Variants in GALNTL6 observed in about 807,000 individuals in gnomAD.
The protein encoded by GALNTL6 is polypeptide N-acetylgalactosaminyltransferase-like 6.
A neutral mutation model predicts 73.7 loss-of-function variants in GALNTL6; 46 were observed. That is an observed-to-expected ratio of 0.62 (90% CI 0.49 to 0.80). The LOEUF is 0.80. GALNTL6 is among the 30% of genes least tolerant of loss of function. GALNTL6 has a pLI of 0.00. For missense variants in GALNTL6, 604 were observed against 755.0 expected, an observed-to-expected ratio of 0.80 and a Z score of 2.34; for synonymous variants, 259 against 263.7, an observed-to-expected ratio of 0.98 and a Z score of 0.17.
chr4:172,049,374 T>C (rs916992201), intron 2 of GALNTL6, among the ~76,000 whole-genome samples: 13 of 152,314 alleles, frequency 8.5e-5, no homozygotes, highest in African/African-American at 2.9e-4. Flanking sequence ...CCATTTCTTA[T>C]CTTTATTAAA....
intron 2 of GALNTL6, among the ~76,000 whole-genome samples, chr4:172,072,873 T>A (rs1204747032): frequency 6.6e-6 from 1 of 152,182 alleles, no homozygotes; most frequent in Non-Finnish European, 1.5e-5. Flanking sequence ...GCATAGAAGA[T>A]TTCATTTTCT....
chr4:171,897,882 G>T (rs879927055), intron 2 of GALNTL6, among the ~76,000 whole-genome samples: 1 of 149,228 alleles, frequency 6.7e-6, no homozygotes, highest in South Asian at 2.2e-4. Flanking sequence ...AGCCGAGATC[G>T]TGCCACTGCA....
chr4:173,031,625 A>T (rs1229031696), intron 12 of GALNTL6, among the ~76,000 whole-genome samples: 1 of 152,272 alleles, frequency 6.6e-6, no homozygotes, highest in East Asian at 1.9e-4. Flanking sequence ...TAGGGAAAAA[A>T]AAAAGAGAGA....
chr4:172,697,507 T>C (rs891095188), intron 5 of GALNTL6, among the ~76,000 whole-genome samples: 102 of 152,284 alleles, frequency 6.7e-4, no homozygotes, highest in African/African-American at 2.3e-3. Flanking sequence ...CAATTATAAA[T>C]TTTTAAGGAA....
intron 2 of GALNTL6, among the ~76,000 whole-genome samples, chr4:171,837,193 A>G (rs968338727): frequency 1.3e-5 from 2 of 152,180 alleles, no homozygotes; most frequent in African/African-American, 4.8e-5. Flanking sequence ...CCTGAATCAA[A>G]TAGTGAAACA....
intron 5 of GALNTL6, among the ~76,000 whole-genome samples, chr4:172,705,220 T>TTTG (rs201522885): frequency 7.9e-5 from 12 of 151,028 alleles, no homozygotes; most frequent in Middle Eastern, 3.4e-3. Flanking sequence ...GCTATTTTTT[T>TTTG]TTTGTTTTAT....
chr4:172,891,041 C>T (rs1214894499), intron 8 of GALNTL6, among the ~76,000 whole-genome samples: 1 of 151,296 alleles, frequency 6.6e-6, no homozygotes, highest in Non-Finnish European at 1.5e-5. Context: ...CATAATAGAT[C>T]TTTCTCCATT....
intron 2 of GALNTL6, among the ~76,000 whole-genome samples, chr4:172,010,641 A>G (rs755424111): frequency 6.6e-6 from 1 of 152,056 alleles, no homozygotes; most frequent in Non-Finnish European, 1.5e-5. Flanking sequence ...AATCTCCCAA[A>G]TCAATTAACT....
At chr4:172,852,695 T>C (rs1013742835) in intron 7 of GALNTL6, among the ~76,000 whole-genome samples, 2 of 152,122 alleles carry the variant, frequency 1.3e-5, no homozygotes, top group African/African-American at 4.8e-5. Context: ...CTAATGTGTT[T>C]ATATACATAG....
At chr4:172,644,771 T>C (rs1579282447) in intron 5 of GALNTL6, among the ~76,000 whole-genome samples, 1 of 151,926 alleles carries the variant, frequency 6.6e-6, no homozygotes, top group East Asian at 1.9e-4. Context: ...CTAGGTCCTA[T>C]GGTAGGCATT....
intron 2 of GALNTL6, among the ~76,000 whole-genome samples, chr4:172,196,747 T>C (rs937371757): frequency 2.0e-5 from 3 of 152,164 alleles, no homozygotes; most frequent in African/African-American, 7.2e-5. Flanking sequence ...TCACCATCTC[T>C]TTATATTAAA....
At chr4:172,641,419 C>T (rs1408606618) in intron 5 of GALNTL6, among the ~76,000 whole-genome samples, 2 of 152,058 alleles carry the variant, frequency 1.3e-5, no homozygotes, top group African/African-American at 4.8e-5. Flanking sequence ...TCCTGTGCTT[C>T]TCACATCAGC....
At chr4:172,729,386 C>A (rs534401985) in intron 5 of GALNTL6, among the ~76,000 whole-genome samples, 1 of 151,964 alleles carries the variant, frequency 6.6e-6, no homozygotes. Flanking sequence ...GTTTTTAATC[C>A]ATTTTGATTT....
At chr4:172,323,571 G>A (rs1740831253) in intron 4 of GALNTL6, among the ~76,000 whole-genome samples, 1 of 151,920 alleles carries the variant, frequency 6.6e-6, no homozygotes, top group Non-Finnish European at 1.5e-5. Context: ...AAATCATGCA[G>A]TGACAAAAGG....
intron 5 of GALNTL6, among the ~76,000 whole-genome samples, chr4:172,386,979 C>T (rs1240504439): frequency 6.6e-6 from 1 of 152,144 alleles, no homozygotes; most frequent in African/African-American, 2.4e-5. Context: ...GAGAGACAGG[C>T]TCAATGCCTA....
chr4:172,352,768 A>T (rs1204323707), intron 5 of GALNTL6, among the ~76,000 whole-genome samples: 3 of 151,848 alleles, frequency 2.0e-5, no homozygotes, highest in Non-Finnish European at 4.4e-5. Flanking sequence ...TGCACACACA[A>T]ACAGAGGCAC....
chr4:173,019,274 G>A (rs1331627832), intron 11 of GALNTL6, among the ~76,000 whole-genome samples: 2 of 152,196 alleles, frequency 1.3e-5, no homozygotes. Flanking sequence ...CATGCAGCTG[G>A]GAAATTCTGC....
chr4:172,553,401 C>T (rs1337500348), intron 5 of GALNTL6, among the ~76,000 whole-genome samples: 1 of 152,142 alleles, frequency 6.6e-6, no homozygotes, highest in Non-Finnish European at 1.5e-5. Context: ...TGTTATCTGA[C>T]TCTGACTCAT....
chr4:171,870,203 A>C (rs532723320), intron 2 of GALNTL6, among the ~76,000 whole-genome samples: 17 of 152,294 alleles, frequency 1.1e-4, no homozygotes, highest in Admixed American at 5.2e-4. Context: ...TTCCCTTTAC[A>C]ATGAGTATGA....
Sources: gnomAD v4.1 joint callset for allele counts (sites outside exome capture counted in the v4.1 genomes callset) on GRCh38, gnomAD v4.1.1 for gene constraint, MANE v1.5 for transcripts, NCBI Gene and HGNC (gene_info 2026-07-23, HGNC 2026-07-21) for gene names.